The following KLHL29 variants were observed in gnomAD, a reference collection of about 807,000 sequenced individuals.
KLHL29 encodes the protein kelch-like protein 29.
Under a neutral mutation model 80.4 loss-of-function variants are expected in KLHL29, and 21 were observed. The ratio of observed to expected loss-of-function variants is 0.26; its 90% confidence interval spans 0.19 to 0.38. The LOEUF is 0.38. KLHL29 is among the 10% of genes least tolerant of loss of function. KLHL29 has a pLI of 1.00. For missense variants in KLHL29, 867 were observed against 1,223.9 expected, an observed-to-expected ratio of 0.71 and a Z score of 4.35; for synonymous variants, 511 against 526.8, an observed-to-expected ratio of 0.97 and a Z score of 0.41.
chr2:23,522,830 C>G lies in KLHL29; in HGVS notation c.-45-39322C>G, dbSNP rs138607489. Among the ~76,000 whole-genome samples, 649 of 152,328 alleles carry G rather than the reference C, an allele frequency of 4.3e-3. 8 individuals are homozygous for G. The highest frequency in any genetic ancestry group is 0.015 in the African/African-American group (623 of 41,556). On this transcript the variant is annotated intron_variant, in intron 2 of 13. Transcript: ENST00000486442. ...AGGCCAGGCTGTTGGACGTGCAGCT[C>G]TTCCCCTGCTGCCGCCACAGAGTTT...
intron 1 of KLHL29, among the ~76,000 whole-genome samples, chr2:23,433,361 T>G (rs1401996354): frequency 1.3e-5 from 2 of 152,248 alleles, no homozygotes; most frequent in East Asian, 1.9e-4. Context: ...AGGCCAAGCC[T>G]GGGCAATTTT....
intron 1 of KLHL29, among the ~76,000 whole-genome samples, chr2:23,408,348 G>A (rs1435494339): frequency 2.2e-5 from 3 of 136,512 alleles, no homozygotes; most frequent in Non-Finnish European, 3.0e-5. Context: ...GATGAGATCC[G>A]TAAATTGATT....
intron 2 of KLHL29, among the ~76,000 whole-genome samples, chr2:23,493,358 T>G (rs1020539848): frequency 1.3e-5 from 2 of 152,198 alleles, no homozygotes; most frequent in African/African-American, 4.8e-5. Context: ...ATTTTCATTT[T>G]TTAAAAAATC....
intron 3 of KLHL29, among the ~76,000 whole-genome samples, chr2:23,565,674 G>A (rs1667573105): frequency 6.6e-6 from 1 of 152,106 alleles, no homozygotes; most frequent in African/African-American, 2.4e-5. Context: ...GGATGGTGGG[G>A]TGGGTGGGCG....
At chr2:23,663,304 C>T (rs1670466642) in intron 5 of KLHL29, among the ~76,000 whole-genome samples, 1 of 152,208 alleles carries the variant, frequency 6.6e-6, no homozygotes, top group South Asian at 2.1e-4. Flanking sequence ...AGGTAGGGGT[C>T]CCCTCCTCGC....
chr2:23,554,436 T>TC (rs1667229963), intron 2 of KLHL29, among the ~76,000 whole-genome samples: 2 of 152,090 alleles, frequency 1.3e-5, no homozygotes, highest in Admixed American at 6.5e-5. Flanking sequence ...ACAGCGCGGG[T>TC]CCCCTGCCTT....
chr2:23,456,487 C>T (rs1163382464), intron 1 of KLHL29, among the ~76,000 whole-genome samples: 3 of 152,208 alleles, frequency 2.0e-5, no homozygotes, highest in African/African-American at 7.2e-5. Context: ...TTCTCTTTTC[C>T]GTGGATCTTC....
chr2:23,388,925 C>G (rs1666248299), intron 1 of KLHL29, among the ~76,000 whole-genome samples: 1 of 150,778 alleles, frequency 6.6e-6, no homozygotes, highest in Admixed American at 6.6e-5. Flanking sequence ...TCCAGCAGAA[C>G]TAACTAAAGT....
intron 3 of KLHL29, among the ~76,000 whole-genome samples, chr2:23,563,214 G>A (rs773732306): frequency 6.6e-6 from 1 of 152,266 alleles, no homozygotes; most frequent in Admixed American, 6.5e-5. Context: ...TTGCTGAATG[G>A]AATGTGGAAA....
At chr2:23,563,813 T>A (rs1033978653) in intron 3 of KLHL29, among the ~76,000 whole-genome samples, 1 of 152,162 alleles carries the variant, frequency 6.6e-6, no homozygotes, top group Non-Finnish European at 1.5e-5. Flanking sequence ...TTGATTTTAT[T>A]TTCCTGTTAT....
intron 1 of KLHL29, among the ~76,000 whole-genome samples, chr2:23,474,500 AT>A (rs991739866): frequency 1.3e-5 from 2 of 152,180 alleles, no homozygotes; most frequent in African/African-American, 4.8e-5. Flanking sequence ...ACCTTGGCTG[AT>A]TTTGCTTCCC....
chr2:23,670,443 CAG>C (rs1670680526), intron 5 of KLHL29, among the ~76,000 whole-genome samples: 3 of 152,080 alleles, frequency 2.0e-5, no homozygotes, highest in South Asian at 2.1e-4. Flanking sequence ...GCCTGCTACA[CAG>C]GGGCACCGAA....
At chr2:23,538,005 AG>A (rs1666723695) in intron 2 of KLHL29, among the ~76,000 whole-genome samples, 1 of 152,224 alleles carries the variant, frequency 6.6e-6, no homozygotes, top group South Asian at 2.1e-4. Context: ...AGAAGCACTG[AG>A]GGTACCTACA....
intron 5 of KLHL29, among the ~76,000 whole-genome samples, chr2:23,674,214 C>T (rs1670861832): frequency 6.6e-6 from 1 of 152,176 alleles, no homozygotes; most frequent in Non-Finnish European, 1.5e-5. Context: ...GCACACGTGC[C>T]GATTTCCATG....
rs1010450058 is a variant in KLHL29 at position 23,642,290 on chromosome 2, G to A, written c.428-48G>A. The A allele has an allele frequency of 1.1e-5, 16 of 1,392,204 alleles. No homozygotes were observed. In the East Asian group the frequency reaches 4.2e-4, roughly 36 times the overall value. 86.2% of individuals were successfully genotyped at this position (1,392,204 alleles called of 1,614,324 possible). ...GGGCCGGGGATGGTCAGTGTTTGTT[G>A]AATGAAAATGTAACCGGCAGATGAC... On this transcript the variant is annotated intron_variant, in intron 4 of 13. Coordinates refer to ENST00000486442, the MANE Select transcript of KLHL29 (RefSeq NM_052920.2).
chr2:23,665,081 C>T (rs930257405), intron 5 of KLHL29, among the ~76,000 whole-genome samples: 20 of 152,238 alleles, frequency 1.3e-4, no homozygotes, highest in Non-Finnish European at 2.8e-4. Context: ...GAGCTAGAGC[C>T]GCTGGTACTC....
At chr2:23,572,741 C>A (rs1667745589) in intron 3 of KLHL29, among the ~76,000 whole-genome samples, 1 of 150,242 alleles carries the variant, frequency 6.7e-6, no homozygotes, top group Non-Finnish European at 1.5e-5. Flanking sequence ...CGCTCTGTCA[C>A]CCAGGCTGGA....
At chr2:23,525,437 G>T (rs556193123) in intron 2 of KLHL29, among the ~76,000 whole-genome samples, 1 of 152,380 alleles carries the variant, frequency 6.6e-6, no homozygotes, top group African/African-American at 2.4e-5. Context: ...GAGAATGTCT[G>T]TGTACCCAGC....
rs749512639 is a variant in KLHL29, at chr2:23,695,577, C to T, written c.1543-46C>T. The T allele has an allele frequency of 7.4e-7, 1 of 1,346,506 alleles. No individual in the cohort carries two copies. Among genetic ancestry groups the T allele is most frequent in the Non-Finnish European group, 1.0e-6 (1 of 987,506 alleles). The allele number at this position is 1,346,506 out of a possible 1,614,324, so 83.4% of individuals were successfully genotyped here. ...CCATTTCTTTCCGTCCGGGAGGTGG[C>T]TCTCTCTTGCTAGTCTAAGAAGATT... On this transcript the variant is annotated intron_variant, in intron 8 of 13. Coordinates refer to ENST00000486442, the MANE Select transcript of KLHL29 (RefSeq NM_052920.2). The surrounding 1 kb of genome is among the most constrained non-coding windows in gnomAD (Gnocchi z 7.6).
Sources: allele counts gnomAD v4.1 joint callset (sites outside exome capture counted in the v4.1 genomes callset), GRCh38; gene constraint gnomAD v4.1.1; non-coding constraint Gnocchi (gnomAD v3.1); transcripts MANE v1.5; gene names NCBI Gene and HGNC (gene_info 2026-07-23, HGNC 2026-07-21).